AGPS: variants seen among roughly 807,000 people sequenced by gnomAD.
The protein encoded by AGPS is alkylglycerone phosphate synthase.
AGPS carries 26 observed loss-of-function variants against 90.7 expected under a neutral mutation model. The observed-to-expected ratio is 0.29, with a 90% confidence interval of 0.21 to 0.40. The LOEUF (loss-of-function observed/expected upper bound fraction) is 0.40. AGPS is among the 10% of genes least tolerant of loss of function. The probability of loss-of-function intolerance (pLI) is 1.00; values close to 1 mark genes in which losing one functional copy is unlikely to be tolerated. For synonymous variants in AGPS, 294 were observed against 285.3 expected (o/e 1.03, Z -0.31); for missense variants, 540 against 816.1 (o/e 0.66, Z 4.12).
intron 11 of AGPS, among the ~76,000 whole-genome samples, chr2:177,485,393 G>A (rs1225285766): frequency 1.3e-5 from 2 of 152,164 alleles, no homozygotes; most frequent in African/African-American, 4.8e-5. Flanking sequence ...CAATGGAAAT[G>A]TTGATTTCCA....
At chr2:177,443,644 CT>C (rs1440114137) in intron 7 of AGPS, among the ~76,000 whole-genome samples, 2 of 152,232 alleles carry the variant, frequency 1.3e-5, no homozygotes, top group Non-Finnish European at 2.9e-5. Context: ...GATTGTCTCA[CT>C]TTTAGTGATG....
chr2:177,434,621 A>G (rs1407177728), intron 3 of AGPS, among the ~76,000 whole-genome samples: 2 of 152,120 alleles, frequency 1.3e-5, no homozygotes, highest in Non-Finnish European at 2.9e-5. Context: ...CTCAGAATTT[A>G]TTTGAGATTT....
At chr2:177,494,846 C>T (rs1371040250) in intron 12 of AGPS, among the ~76,000 whole-genome samples, 4 of 151,962 alleles carry the variant, frequency 2.6e-5, no homozygotes, top group Non-Finnish European at 5.9e-5. Context: ...TTTTATTTCT[C>T]AATTTTAATT....
intron 10 of AGPS, among the ~76,000 whole-genome samples, chr2:177,470,087 A>G (rs560626615): frequency 6.6e-6 from 1 of 152,296 alleles, no homozygotes; most frequent in Admixed American, 6.5e-5. Flanking sequence ...TTGAGGGAAG[A>G]CAGAAGAGGG....
At chr2:177,503,634 A>G (rs1688625578) in intron 14 of AGPS, among the ~76,000 whole-genome samples, 2 of 152,210 alleles carry the variant, frequency 1.3e-5, no homozygotes. Flanking sequence ...CAAAAGTCAC[A>G]ATTTAGAAGC....
chr2:177,510,297 G>A (rs1315917942), intron 16 of AGPS, among the ~76,000 whole-genome samples: 1 of 152,132 alleles, frequency 6.6e-6, no homozygotes, highest in Non-Finnish European at 1.5e-5. Flanking sequence ...AGCAGAGAGA[G>A]AGAGAAAGCA....
intron 11 of AGPS, among the ~76,000 whole-genome samples, chr2:177,487,699 G>A (rs74944609): frequency 0.025 from 3,839 of 151,912 alleles, 68 homozygotes; most frequent in Middle Eastern, 0.051. Context: ...TTTTTTTTGT[G>A]TCATGCGTTT....
At chr2:177,467,547 C>G (rs1181210285) in intron 9 of AGPS, among the ~76,000 whole-genome samples, 1 of 152,116 alleles carries the variant, frequency 6.6e-6, no homozygotes, top group Non-Finnish European at 1.5e-5. Context: ...AATTGACATT[C>G]TCACTAACAC....
At chr2:177,460,980 T>G (rs371257945) in intron 8 of AGPS, among the ~76,000 whole-genome samples, 1 of 152,370 alleles carries the variant, frequency 6.6e-6, no homozygotes, top group East Asian at 1.9e-4. Context: ...GGATTACAAC[T>G]TTCACACCAT....
intron 1 of AGPS, among the ~76,000 whole-genome samples, chr2:177,414,977 A>G (rs932529372): frequency 3.3e-5 from 5 of 151,462 alleles, no homozygotes; most frequent in African/African-American, 1.2e-4. Context: ...ATATCTGGAT[A>G]TATTATATAT....
At chr2:177,463,834 T>C (rs1203489010) in intron 9 of AGPS, among the ~76,000 whole-genome samples, 1 of 152,224 alleles carries the variant, frequency 6.6e-6, no homozygotes, top group Non-Finnish European at 1.5e-5. Context: ...TCATGTAGTT[T>C]ATTTTAATCA....
At chr2:177,393,152 G>A (rs1483107507) in intron 1 of AGPS, 103 bp downstream of exon 1, 4 of 1,548,240 alleles carry the variant, frequency 2.6e-6, no homozygotes, top group Non-Finnish European at 3.5e-6. Context: ...ACGGGTGGGC[G>A]GAAGGCATCC....
chr2:177,444,420 C>CAAAAAA (rs10618529), intron 7 of AGPS, among the ~76,000 whole-genome samples: 4 of 90,988 alleles, frequency 4.4e-5, no homozygotes, highest in Admixed American at 1.2e-4. Context: ...GACTCTGTCT[C>CAAAAAA]AAAAAAAAAA....
At chr2:177,464,760 A>G (rs1687399571) in intron 9 of AGPS, among the ~76,000 whole-genome samples, 1 of 152,258 alleles carries the variant, frequency 6.6e-6, no homozygotes, top group South Asian at 2.1e-4. Context: ...GCGGTAATCC[A>G]CTGCTTCTAT....
At chr2:177,489,496 T>C (rs1688189265) in intron 11 of AGPS, among the ~76,000 whole-genome samples, 1 of 152,208 alleles carries the variant, frequency 6.6e-6, no homozygotes, top group Non-Finnish European at 1.5e-5. Flanking sequence ...CTATTCAGAT[T>C]ATGCAATCAA....
chr2:177,420,353 G>A lies in AGPS; in HGVS notation c.345G>A (p.Gly115=). The part of the protein sequence containing the change: ...FNKKGQIELT[G]KRYPLSGMGL... ...AGAAGGGCCAAATTGAATTGACTGG[G>A]AAAAGGTAACCCTGGTTTATTTCTT... Residue 115 remains glycine (G), a synonymous_variant, in exon 2 of 20, where the codon GGG becomes GGA. Coordinates refer to ENST00000264167, the MANE Select transcript of AGPS (RefSeq NM_003659.4). 1 of 1,603,010 alleles carries A rather than the reference G, an allele frequency of 6.2e-7. No homozygotes were observed. The highest frequency in any genetic ancestry group is 8.5e-7 in the Non-Finnish European group (1 of 1,170,548).
intron 12 of AGPS, among the ~76,000 whole-genome samples, chr2:177,497,328 G>A (rs1032229015): frequency 2.6e-5 from 4 of 151,504 alleles, no homozygotes; most frequent in African/African-American, 7.3e-5. Flanking sequence ...GCCACCATGG[G>A]TGTTCTTAAT....
intron 2 of AGPS, among the ~76,000 whole-genome samples, chr2:177,423,399 A>G (rs1685988944): frequency 6.6e-6 from 1 of 152,184 alleles, no homozygotes; most frequent in East Asian, 1.9e-4. Context: ...AATTTTTGAA[A>G]TTTTTTGTAG....
At chr2:177,476,726 G>A (rs1687790297) in intron 10 of AGPS, among the ~76,000 whole-genome samples, 1 of 152,082 alleles carries the variant, frequency 6.6e-6, no homozygotes, top group South Asian at 2.1e-4. Context: ...CTTGTGCCTA[G>A]TTGTTGTGTC....
Sources: gnomAD v4.1 joint callset for allele counts (sites outside exome capture counted in the v4.1 genomes callset) on GRCh38, gnomAD v4.1.1 for gene constraint, MANE v1.5 for transcripts, NCBI Gene and HGNC (gene_info 2026-07-23, HGNC 2026-07-21) for gene names.